The following PRDM4 variants were observed in gnomAD, a reference collection of about 807,000 sequenced individuals.
PRDM4 encodes the protein PR domain zinc finger protein 4.
A neutral mutation model predicts 62.3 loss-of-function variants in PRDM4; 38 were observed. The ratio of observed to expected loss-of-function variants is 0.61; its 90% CI spans 0.47 to 0.80. The LOEUF is 0.80. Ranked by LOEUF, PRDM4 falls within the 30% of genes least tolerant of loss-of-function variation. The pLI is 0.00. For missense variants in PRDM4, 858 were observed against 997.1 expected, an observed-to-expected ratio of 0.86 and a Z score of 1.88; for synonymous variants, 339 against 348.2, an observed-to-expected ratio of 0.97 and a Z score of 0.30.
In PRDM4 at chr12:107,746,372, T is replaced by C. The variant is rs140573826; in HGVS notation, c.1179A>G (p.Pro393=). ...AYPSDCPEHG[P]VTFVPDTPIE... is the part of the protein sequence containing the mutation. ...TTGGAGTGTCAGGAACAAAAGTCAC[T>C]GGTCCATGTTCGGGACAGTCCGAGG... The change falls in exon 6 of 12, where the codon CCA becomes CCG. Residue 393 remains proline (P), a synonymous_variant. Transcript: ENST00000228437. 6.5e-5 allele frequency: 105 copies of C among 1,613,554 alleles called. No homozygotes were observed. Among genetic ancestry groups the C allele is most frequent in the Non-Finnish European group, 8.6e-5 (101 of 1,179,698 alleles).
chr12:107,740,846 A>T, intron 10 of PRDM4, 100 bp downstream of exon 10: 1 of 1,258,146 alleles, frequency 7.9e-7, no homozygotes, highest in Non-Finnish European at 1.1e-6. Context: ...TTTCTCTGAC[A>T]TCAAATCTCA....
chr12:107,744,953 G>T (rs1890644136), intron 6 of PRDM4, among the ~76,000 whole-genome samples: 1 of 152,196 alleles, frequency 6.6e-6, no homozygotes, highest in Non-Finnish European at 1.5e-5. Flanking sequence ...CCAGCTACTT[G>T]GGAGGCTGAG....
rs750152850 is a variant in PRDM4, at chr12:107,734,311, C to T, written c.2305G>A (p.Asp769Asn). The T allele has an allele frequency of 3.1e-6, 5 of 1,614,100 alleles. No homozygotes were observed. In the Admixed American group the frequency reaches 5.0e-5, roughly 16 times the overall value. ...TCTGCTAGATCTTCCTCTTCTGAGTCATCCTCTTCTTCCTCCTCTGGTGCT... is the reference window on the plus strand; with the variant it reads ...TCTGCTAGATCTTCCTCTTCTGAGTTATCCTCTTCTTCCTCCTCTGGTGCT... ...SSAPEEEEEDDSEEEDLADSV... is the reference protein window; with the variant it reads ...SSAPEEEEEDNSEEEDLADSV... The change falls in exon 12 of 12, where the codon GAC (aspartate) becomes AAC (asparagine). Residue 769 changes from aspartate (D) to asparagine (N), a missense_variant. Around this residue, in one of 3 missense-constraint regions of PRDM4, gnomAD observed 355 missense variants for 432.6 expected, o/e 0.82. Transcript: ENST00000228437.
chr12:107,757,296 C>T (rs796675098), intron 2 of PRDM4, among the ~76,000 whole-genome samples: 3 of 152,234 alleles, frequency 2.0e-5, no homozygotes, highest in African/African-American at 7.2e-5. Context: ...TTTTAAATCA[C>T]TCAAGCTTCA....
intron 11 of PRDM4, among the ~76,000 whole-genome samples, chr12:107,737,379 C>T (rs923236742): frequency 6.6e-6 from 1 of 152,160 alleles, no homozygotes; most frequent in Non-Finnish European, 1.5e-5. Flanking sequence ...TTTGAGGGAA[C>T]AGTGCTTCTT....
At chr12:107,745,571 C>T (rs998931728) in intron 6 of PRDM4, among the ~76,000 whole-genome samples, 1 of 152,020 alleles carries the variant, frequency 6.6e-6, no homozygotes, top group African/African-American at 2.4e-5. Flanking sequence ...CAGAGTGAGA[C>T]CCAGTCTCTT....
chr12:107,740,679 C>T (rs1473715214), intron 10 of PRDM4, among the ~76,000 whole-genome samples: 3 of 152,048 alleles, frequency 2.0e-5, no homozygotes, highest in African/African-American at 7.2e-5. Context: ...GACTCAGAAG[C>T]TTCTATTTAA....
intron 6 of PRDM4, 141 bp from the exon 7 acceptor site, chr12:107,744,802 G>A (rs1890635249): frequency 8.5e-7 from 1 of 1,171,994 alleles, no homozygotes; most frequent in East Asian, 2.9e-5. Context: ...GCTCACGCCT[G>A]TTATCCCGGC....
At chr12:107,738,904 CACACACA>C (rs757781379) in intron 11 of PRDM4, among the ~76,000 whole-genome samples, 1 of 151,510 alleles carries the variant, frequency 6.6e-6, no homozygotes, top group Non-Finnish European at 1.5e-5. Context: ...CACACACACA[CACACACA>C]CACCAACAGA....
At chr12:107,753,402 G>C (rs1890962338) in intron 4 of PRDM4, among the ~76,000 whole-genome samples, 1 of 137,228 alleles carries the variant, frequency 7.3e-6, no homozygotes, top group Admixed American at 7.3e-5. Flanking sequence ...AAAGAAAAAA[G>C]AGAGCAAGAG....
chr12:107,746,487 C>T (rs1047928528), intron 5 of PRDM4, 63 bp from the exon 6 acceptor site: 59 of 1,316,834 alleles, frequency 4.5e-5, no homozygotes, highest in South Asian at 1.1e-4. Context: ...ATTACCACCA[C>T]GGTTTTTTTT....
intron 4 of PRDM4, 117 bp downstream of exon 4, chr12:107,753,807 G>C (rs1890976130): frequency 1.0e-6 from 1 of 957,928 alleles, no homozygotes; most frequent in Non-Finnish European, 1.5e-6. Flanking sequence ...TTCCTGCCTA[G>C]AGATTAATAT....
Position 107,751,785 on chromosome 12 carries a change from A to G in PRDM4, c.756T>C (p.Gly252=), listed in dbSNP as rs746217057. 4.3e-6 allele frequency: 7 copies of G among 1,614,040 alleles called. No individual in the cohort carries two copies. ...CATTCCCATGCATGGGTATCACACCACCATGTCCTACAGCGTCTGCTGCAA... is the reference window on the plus strand; with the variant it reads ...CATTCCCATGCATGGGTATCACACCGCCATGTCCTACAGCGTCTGCTGCAA... ...NNLAADAVGH[G]GVIPMHGNGL... The change falls in exon 5 of 12, where the codon GGT becomes GGC. Residue 252 remains glycine, a synonymous_variant. Transcript: ENST00000228437.
At chr12:107,742,840 T>TC (rs1349018433) in intron 8 of PRDM4, among the ~76,000 whole-genome samples, 2 of 150,704 alleles carry the variant, frequency 1.3e-5, no homozygotes, top group Non-Finnish European at 2.9e-5. Context: ...CATAGTATGA[T>TC]CACAGCTTGA....
intron 8 of PRDM4, 68 bp from the exon 9 acceptor site, chr12:107,742,416 C>T: frequency 6.5e-7 from 1 of 1,526,868 alleles, no homozygotes; most frequent in Non-Finnish European, 9.0e-7. Context: ...AACATTCCCC[C>T]ATTGCAAAAT....
At chr12:107,755,273 T>G (rs1257066740) in intron 3 of PRDM4, among the ~76,000 whole-genome samples, 1 of 152,098 alleles carries the variant, frequency 6.6e-6, no homozygotes, top group East Asian at 1.9e-4. Context: ...TTTTTTTTTT[T>G]TCTTTGTAGA....
intron 10 of PRDM4, among the ~76,000 whole-genome samples, chr12:107,740,635 TG>T (rs1157647936): frequency 1.3e-5 from 2 of 152,056 alleles, no homozygotes; most frequent in South Asian, 2.1e-4. Flanking sequence ...GGCTGGTGAC[TG>T]GGGGGTGAGC....
At chr12:107,742,173 T>C in intron 9 of PRDM4, 48 bp downstream of exon 9, 1 of 1,563,720 alleles carries the variant, frequency 6.4e-7, no homozygotes, top group Non-Finnish European at 8.7e-7. Flanking sequence ...ATCCTGGTCT[T>C]TGGTATTTTT....
chr12:107,750,745 GTGAC>G (rs1313099964), intron 5 of PRDM4, among the ~76,000 whole-genome samples: 1 of 152,144 alleles, frequency 6.6e-6, no homozygotes, highest in Admixed American at 6.5e-5. Flanking sequence ...GGTTATAAAA[GTGAC>G]TGAATAATTT....
Sources: gnomAD v4.1 joint callset for allele counts (sites outside exome capture counted in the v4.1 genomes callset) on GRCh38, gnomAD v4.1.1 for gene constraint, gnomAD v4.1.1 regional missense constraint, MANE v1.5 for transcripts, NCBI Gene and HGNC (gene_info 2026-07-23, HGNC 2026-07-21) for gene names.